Variants in PHACTR4 observed in about 807,000 individuals in gnomAD.
The protein encoded by PHACTR4 is protein phosphatase 1, regulatory subunit 124.
In PHACTR4, 51 loss-of-function variants were observed where a neutral mutation model predicts 72.7. The ratio of observed to expected loss-of-function variants is 0.70; its 90% CI spans 0.56 to 0.89. The LOEUF (loss-of-function observed/expected upper bound fraction) is 0.89. Among genes scored for constraint, PHACTR4 ranks in the 40% least tolerant of loss-of-function variants. PHACTR4 has a pLI of 0.00. For synonymous variants in PHACTR4, 255 were observed against 302.5 expected (o/e 0.84, Z 1.63); for missense variants, 731 against 861.8 (o/e 0.85, Z 1.90).
At chr1:28,463,414 C>A (rs1354845282) in intron 4 of PHACTR4, among the ~76,000 whole-genome samples, 3 of 152,228 alleles carry the variant, frequency 2.0e-5, no homozygotes, top group African/African-American at 7.2e-5. Context: ...GATTAAGTAA[C>A]TTGAGATAAC....
chr1:28,427,945 A>G (rs1398757997), intron 2 of PHACTR4, among the ~76,000 whole-genome samples: 1 of 152,248 alleles, frequency 6.6e-6, no homozygotes, highest in East Asian at 1.9e-4. Flanking sequence ...GATTAGTTAT[A>G]TAGAGTACAC....
intron 1 of PHACTR4, among the ~76,000 whole-genome samples, chr1:28,404,991 CTTG>C (rs1413226618): frequency 5.9e-5 from 9 of 152,038 alleles, no homozygotes; most frequent in Non-Finnish European, 1.0e-4. Context: ...GCTCCCAACA[CTTG>C]TTATTACCTC....
chr1:28,493,698 T>C (rs1432261760), intron 13 of PHACTR4, among the ~76,000 whole-genome samples: 2 of 152,160 alleles, frequency 1.3e-5, no homozygotes, highest in African/African-American at 2.4e-5. Flanking sequence ...GACTTGCTAG[T>C]AAATTGCAGA....
chr1:28,408,223 T>A (rs1259080310), intron 2 of PHACTR4, among the ~76,000 whole-genome samples: 1 of 152,212 alleles, frequency 6.6e-6, no homozygotes, highest in East Asian at 1.9e-4. Context: ...TCAGAAACAA[T>A]GTGTGCTTTG....
intron 1 of PHACTR4, among the ~76,000 whole-genome samples, chr1:28,387,779 G>A (rs998888101): frequency 1.3e-5 from 2 of 151,910 alleles, no homozygotes; most frequent in Non-Finnish European, 2.9e-5. Flanking sequence ...CCAGGCTGGA[G>A]TGCAATGGCA....
At chr1:28,445,305 T>A (rs1229749362) in intron 2 of PHACTR4, among the ~76,000 whole-genome samples, 1 of 152,080 alleles carries the variant, frequency 6.6e-6, no homozygotes, top group East Asian at 1.9e-4. Context: ...CCCAGGCTGG[T>A]CTTGAACTCC....
chr1:28,377,803 C>T (rs1202930068), intron 1 of PHACTR4, among the ~76,000 whole-genome samples: 3 of 150,822 alleles, frequency 2.0e-5, no homozygotes, highest in Non-Finnish European at 2.9e-5. Context: ...TGCACTCTAG[C>T]CCAGGTAGAC....
intron 11 of PHACTR4, 151 bp downstream of exon 11, chr1:28,491,163 G>A: frequency 3.1e-6 from 2 of 641,472 alleles, no homozygotes; most frequent in South Asian, 1.9e-5. Context: ...GAGCCCAGGA[G>A]TTCAAGACCA....
intron 2 of PHACTR4, among the ~76,000 whole-genome samples, chr1:28,416,969 C>T (rs1261718407): frequency 1.3e-5 from 2 of 151,416 alleles, no homozygotes; most frequent in Non-Finnish European, 2.9e-5. Context: ...GAAATATTCT[C>T]CTTTGTCCAC....
intron 12 of PHACTR4, among the ~76,000 whole-genome samples, chr1:28,492,328 T>C (rs1245317746): frequency 6.6e-6 from 1 of 151,256 alleles, no homozygotes; most frequent in African/African-American, 2.4e-5. Flanking sequence ...TACCAGCTAC[T>C]TGGAAGGCTG....
intron 2 of PHACTR4, among the ~76,000 whole-genome samples, chr1:28,423,242 G>A (rs1207285401): frequency 6.6e-6 from 1 of 151,990 alleles, no homozygotes; most frequent in African/African-American, 2.4e-5. Flanking sequence ...ACCTTGTCTT[G>A]ACAAAAAATA....
At chr1:28,407,545 T>C in intron 2 of PHACTR4, 82 bp downstream of exon 2, 2 of 1,261,278 alleles carry the variant, frequency 1.6e-6, no homozygotes, top group South Asian at 1.3e-5. Context: ...AGTAAATTGG[T>C]TTTTTTTCAT....
At chr1:28,459,344 C>T in intron 3 of PHACTR4, 86 bp downstream of exon 3, 16 of 1,064,194 alleles carry the variant, frequency 1.5e-5, no homozygotes, top group South Asian at 7.2e-5. Context: ...TCCCAAGTTT[C>T]TGTAGTCCTC....
chr1:28,481,064 A>G (rs1192990610), intron 9 of PHACTR4, among the ~76,000 whole-genome samples: 1 of 148,438 alleles, frequency 6.7e-6, no homozygotes, highest in African/African-American at 2.5e-5. Context: ...CAGAGTCTTG[A>G]TCTGTCACCC....
At chr1:28,471,330 C>CAA (rs375223102) in intron 6 of PHACTR4, among the ~76,000 whole-genome samples, 15,784 of 152,070 alleles carry the variant, frequency 0.1, 1,883 homozygotes, top group African/African-American at 0.3. Flanking sequence ...GCCTGGGCAA[C>CAA]GAGTGAAACT....
At chr1:28,398,864 A>T (rs1041588297) in intron 1 of PHACTR4, among the ~76,000 whole-genome samples, 1 of 152,012 alleles carries the variant, frequency 6.6e-6, no homozygotes, top group African/African-American at 2.4e-5. Context: ...ATATTCAAAA[A>T]GAAGCACTTT....
At chr1:28,395,192 A>G (rs1653396126) in intron 1 of PHACTR4, among the ~76,000 whole-genome samples, 1 of 152,132 alleles carries the variant, frequency 6.6e-6, no homozygotes, top group African/African-American at 2.4e-5. Flanking sequence ...GGATACAGCC[A>G]TGAGCCACCA....
intron 1 of PHACTR4, among the ~76,000 whole-genome samples, chr1:28,374,026 G>A (rs958903758): frequency 6.6e-6 from 1 of 152,122 alleles, no homozygotes; most frequent in African/African-American, 2.4e-5. Context: ...TTCCAATTAA[G>A]GCAAATTGAT....
intron 2 of PHACTR4, among the ~76,000 whole-genome samples, chr1:28,431,168 G>A (rs1656234553): frequency 7.5e-6 from 1 of 134,080 alleles, no homozygotes; most frequent in Non-Finnish European, 1.6e-5. Flanking sequence ...CACAGAGCGA[G>A]ACTCCATCTC....
Sources: allele counts gnomAD v4.1 joint callset (sites outside exome capture counted in the v4.1 genomes callset), GRCh38; gene constraint gnomAD v4.1.1; transcripts MANE v1.5; gene names NCBI Gene and HGNC (gene_info 2026-07-23, HGNC 2026-07-21).